The following FYB2 variants were observed in gnomAD, a reference collection of about 807,000 sequenced individuals.
FYB2 encodes FYN-binding protein 2.
A neutral mutation model predicts 94.1 loss-of-function variants in FYB2; 103 were observed. The ratio of observed to expected loss-of-function variants is 1.09; its 90% CI spans 0.93 to 1.29. The LOEUF (loss-of-function observed/expected upper bound fraction) is 1.29, where lower values mean the gene tolerates loss of function less well. Ranked by LOEUF, FYB2 falls within the 50% of genes most tolerant of loss-of-function variation. The probability of loss-of-function intolerance (pLI) is 0.00; values close to 1 mark genes in which losing one functional copy is unlikely to be tolerated. For missense variants in FYB2, 896 were observed against 841.5 expected, an observed-to-expected ratio of 1.06 and a Z score of -0.80; for synonymous variants, 293 against 287.9, an observed-to-expected ratio of 1.02 and a Z score of -0.18.
intron 1 of FYB2, among the ~76,000 whole-genome samples, chr1:56,796,374 T>C (rs1242741319): frequency 6.6e-6 from 1 of 152,070 alleles, no homozygotes; most frequent in Non-Finnish European, 1.5e-5. Context: ...GCCCCATTTT[T>C]CAGCTGCCGC....
At chr1:56,749,839 G>C (rs574914319) in intron 9 of FYB2, among the ~76,000 whole-genome samples, 30 of 152,144 alleles carry the variant, frequency 2.0e-4, no homozygotes, top group African/African-American at 7.0e-4. Flanking sequence ...GCTTTGGCAT[G>C]CACCTCCCAG....
intron 16 of FYB2, among the ~76,000 whole-genome samples, chr1:56,724,330 G>A (rs1248456865): frequency 6.6e-6 from 1 of 152,044 alleles, no homozygotes; most frequent in Admixed American, 6.6e-5. Flanking sequence ...CCCTACAGAA[G>A]AAGCTGATTA....
At chr1:56,751,562 G>T (rs543709192) in intron 8 of FYB2, among the ~76,000 whole-genome samples, 1 of 152,114 alleles carries the variant, frequency 6.6e-6, no homozygotes, top group African/African-American at 2.4e-5. Flanking sequence ...TTGAGTAACT[G>T]GTCACTGGTT....
Position 56,758,715 on chromosome 1 carries a change from C to A in FYB2, c.1098+1G>T. Reference sequence around the variant, plus strand: ...ACAATGTTGGTAAGGAGAAACAATACCTTTTGGAGTTCTTCAATTCCAACT... The same window carrying A: ...ACAATGTTGGTAAGGAGAAACAATAACTTTTGGAGTTCTTCAATTCCAACT... On this transcript the variant is annotated splice_donor_variant, in intron 6 of 19. Coordinates refer to ENST00000343433, the MANE Select transcript of FYB2 (RefSeq NM_001004303.5). LOFTEE classifies it high-confidence loss of function. 6.3e-7 allele frequency: 1 copy of A among 1,590,608 alleles called. No homozygotes were observed.
chr1:56,745,471 G>C (rs1645046774), intron 9 of FYB2, among the ~76,000 whole-genome samples: 1 of 151,886 alleles, frequency 6.6e-6, no homozygotes, highest in Admixed American at 6.6e-5. Flanking sequence ...CAAAACCTTG[G>C]AGACATCCTC....
intron 1 of FYB2, among the ~76,000 whole-genome samples, chr1:56,802,694 G>C: frequency 6.6e-6 from 1 of 152,194 alleles, no homozygotes; most frequent in Non-Finnish European, 1.5e-5. Context: ...ATGAAGTAAT[G>C]AAGAATCTCA....
At chr1:56,791,709 GTTGT>G in intron 2 of FYB2, among the ~76,000 whole-genome samples, 1 of 152,322 alleles carries the variant, frequency 6.6e-6, no homozygotes, top group South Asian at 2.1e-4. Context: ...GAATAATTGT[GTTGT>G]TTACCAAGAC....
intron 9 of FYB2, 32 bp from the exon 10 acceptor site, chr1:56,744,298 C>A: frequency 6.7e-7 from 1 of 1,493,254 alleles, no homozygotes. Flanking sequence ...TGAAAAACAT[C>A]ACATCAGCTG....
intron 5 of FYB2, among the ~76,000 whole-genome samples, chr1:56,760,091 A>T (rs1010139539): frequency 8.6e-5 from 13 of 151,964 alleles, no homozygotes; most frequent in African/African-American, 3.1e-4. Flanking sequence ...AAAAAAAAAA[A>T]AAAGGAAATT....
chr1:56,761,015 C>G (rs560865152), intron 5 of FYB2, among the ~76,000 whole-genome samples: 1 of 152,268 alleles, frequency 6.6e-6, no homozygotes, highest in South Asian at 2.1e-4. Context: ...ATATAACCCT[C>G]TCTCCACTGA....
chr1:56,755,655 C>A (rs550001804), intron 7 of FYB2, among the ~76,000 whole-genome samples: 1 of 152,176 alleles, frequency 6.6e-6, no homozygotes, highest in African/African-American at 2.4e-5. Context: ...ACATATCTGG[C>A]ACATGTTGGG....
At chr1:56,773,425 A>G (rs1645806424) in intron 4 of FYB2, among the ~76,000 whole-genome samples, 1 of 152,210 alleles carries the variant, frequency 6.6e-6, no homozygotes, top group Non-Finnish European at 1.5e-5. Context: ...AGGGCTTACC[A>G]TGTGTTAGAC....
chr1:56,818,178 G>A lies in FYB2; in HGVS notation c.9+1104C>T, dbSNP rs1299341753. 3.9e-5 allele frequency among the ~76,000 whole-genome samples: 6 copies of A among 152,122 alleles called. No individual in the cohort carries two copies. In the East Asian group the frequency reaches 5.8e-4, roughly 15 times the overall value. On this transcript the variant is annotated intron_variant, in intron 1 of 19. Transcript: ENST00000343433. ...TTAAAAATTGCTAAGTGGTATGGTC[G>A]AGGTGGGGGTGGCGGGGAGAACTCA...
chr1:56,757,687 C>CTTCCTTCCTTCTTTCTTTCTTTCT (rs1293394860), intron 6 of FYB2, among the ~76,000 whole-genome samples: 15 of 71,952 alleles, frequency 2.1e-4, no homozygotes, highest in African/African-American at 9.5e-4. Context: ...TCCTTCCTTC[C>CTTCCTTCCTTCTTTCTTTCTTTCT]TTCTTTCTTT....
chr1:56,735,594 T>C (rs1644812897), intron 15 of FYB2, among the ~76,000 whole-genome samples: 1 of 152,108 alleles, frequency 6.6e-6, no homozygotes, highest in Non-Finnish European at 1.5e-5. Flanking sequence ...GTAATCCCCA[T>C]GTGTCGAGGG....
intron 1 of FYB2, among the ~76,000 whole-genome samples, chr1:56,796,671 C>T (rs561112206): frequency 2.6e-5 from 4 of 152,226 alleles, no homozygotes; most frequent in East Asian, 1.9e-4. Context: ...ATCCTAATCC[C>T]GACCCTCTTA....
chr1:56,786,643 C>T (rs542329567), intron 4 of FYB2, among the ~76,000 whole-genome samples: 18 of 152,168 alleles, frequency 1.2e-4, no homozygotes, highest in South Asian at 6.2e-4. Context: ...AAAATGTGAG[C>T]GGCAGCAGCA....
At chr1:56,783,621 T>G (rs1646059644) in intron 4 of FYB2, among the ~76,000 whole-genome samples, 1 of 152,108 alleles carries the variant, frequency 6.6e-6, no homozygotes, top group Non-Finnish European at 1.5e-5. Context: ...GACATACGGT[T>G]GAGAGTTTGG....
intron 1 of FYB2, among the ~76,000 whole-genome samples, chr1:56,795,316 CTTTTT>C (rs144438787): frequency 0.063 from 9,554 of 151,994 alleles, 411 homozygotes; most frequent in East Asian, 0.2. Flanking sequence ...AATTTCCTTC[CTTTTT>C]AAGGCTAAAT....
Sources: gnomAD v4.1 joint callset for allele counts (sites outside exome capture counted in the v4.1 genomes callset) on GRCh38, gnomAD v4.1.1 for gene constraint, MANE v1.5 for transcripts, NCBI Gene and HGNC (gene_info 2026-07-23, HGNC 2026-07-21) for gene names.